The following AMDHD2 variants were observed in gnomAD, a reference collection of about 807,000 sequenced individuals.
AMDHD2 encodes the protein amidohydrolase domain containing 2, also known as N-acetylglucosamine-6-phosphate deacetylase.
A neutral mutation model predicts 41.8 loss-of-function variants in AMDHD2; 24 were observed. The observed-to-expected ratio is 0.57, with a 90% CI of 0.42 to 0.81. AMDHD2 has a LOEUF of 0.81. Among genes scored for constraint, AMDHD2 ranks in the 30% least tolerant of loss-of-function variants. The pLI is 0.00. For synonymous variants in AMDHD2, 332 were observed against 255.5 expected (o/e 1.30, Z -2.85); for missense variants, 540 against 588.5 (o/e 0.92, Z 0.85).
At position 2,527,145 on chromosome 16, in the gene AMDHD2, T is replaced by A. The variant is rs1222930347; in HGVS notation, c.361-416T>A. On this transcript the variant is annotated intron_variant, in intron 3 of 10. Transcript: ENST00000293971. This position sits in a 1 kb window ranked among gnomAD's most constrained non-coding sequence, Gnocchi z 6.1. Reference sequence around the variant, plus strand: ...CGTGTCCCCCCGTTCCCTGACACACTCGGTCTTCCTGATGGCGTCCAGCTC... The same window carrying A: ...CGTGTCCCCCCGTTCCCTGACACACACGGTCTTCCTGATGGCGTCCAGCTC... The A allele has an allele frequency of 4.4e-6, 1 of 227,086 alleles. No individual in the cohort carries two copies. The highest frequency in any genetic ancestry group is 1.4e-4 in the East Asian group (1 of 7,196). 14.1% of individuals were successfully genotyped at this position (227,086 alleles called of 1,614,324 possible). A position where few individuals can be genotyped will look rare whatever the true frequency, so the allele number is the denominator to read the frequency against.
chr16:2,530,535 T>C lies in AMDHD2; in HGVS notation c.*972T>C, dbSNP rs772466643. ...GTCAGGGGTGATTGTCTTGACTTTC[T>C]CTCCATTTGAGTTCTGGGGTGGGTG... On this transcript the variant is annotated 3_prime_UTR_variant, in exon 11 of 11. Coordinates refer to ENST00000293971, the MANE Select transcript of AMDHD2 (RefSeq NM_001330449.2). 2 of 1,614,168 alleles carry C rather than the reference T, an allele frequency of 1.2e-6. No homozygotes were observed. The highest frequency in any genetic ancestry group is 2.2e-5 in the East Asian group (1 of 44,876).
In AMDHD2 at chr16:2,530,617, C is replaced by G. The variant is rs770602232; in HGVS notation, c.*1054C>G. The G allele has an allele frequency of 1.2e-6, 2 of 1,614,204 alleles. No homozygotes were observed. Among genetic ancestry groups the G allele is most frequent in the Non-Finnish European group, 1.7e-6 (2 of 1,180,038 alleles). Reference sequence around the variant, plus strand: ...CTGGGCACAGGAGGTACGCGCCTGGCTCTGCCACTGTTCTCTTCCCTCTGC... The same window carrying G: ...CTGGGCACAGGAGGTACGCGCCTGGGTCTGCCACTGTTCTCTTCCCTCTGC... On this transcript the variant is annotated 3_prime_UTR_variant, in exon 11 of 11. Transcript: ENST00000293971.
At chr16:2,526,587 CTTCT>C (rs2066006507) in intron 3 of AMDHD2, among the ~76,000 whole-genome samples, 1 of 152,026 alleles carries the variant, frequency 6.6e-6, no homozygotes, top group African/African-American at 2.4e-5. Context: ...GTCTGGCTGT[CTTCT>C]TTCTATCATC....
At position 2,528,449 on chromosome 16, in the gene AMDHD2, C is replaced by A. The variant is rs377691972; in HGVS notation, c.863-3C>A. On this transcript the variant is annotated splice_region_variant and splice_polypyrimidine_tract_variant and intron_variant, in intron 7 of 10. Transcript: ENST00000293971. ...AGCAGGTTCTGAGCCTCTTCTCCCCCAGGGCTGGTGCTGGTCACCGATGCC... is the reference window on the plus strand; with the variant it reads ...AGCAGGTTCTGAGCCTCTTCTCCCCAAGGGCTGGTGCTGGTCACCGATGCC... 1 of 1,612,872 alleles carries A rather than the reference C, an allele frequency of 6.2e-7. No homozygotes were observed. The highest frequency in any genetic ancestry group is 8.5e-7 in the Non-Finnish European group (1 of 1,179,924).
At position 2,530,929 on chromosome 16, in the gene AMDHD2, C is replaced by T. The variant is rs368671860; in HGVS notation, c.*1366C>T. ...CACCCCTTAGGAAGTGGCTGTCCAG[C>T]GCCTGCCTGTGCTGGGCCTGGGAGA... On this transcript the variant is annotated 3_prime_UTR_variant, in exon 11 of 11. Transcript: ENST00000293971. 97 of 1,613,408 alleles carry T rather than the reference C, an allele frequency of 6.0e-5. No individual in the cohort carries two copies. The highest frequency in any genetic ancestry group is 7.4e-5 in the Non-Finnish European group (87 of 1,179,986).
intron 3 of AMDHD2, among the ~76,000 whole-genome samples, chr16:2,521,541 C>T (rs1202021815): frequency 6.6e-6 from 1 of 152,156 alleles, no homozygotes; most frequent in East Asian, 1.9e-4. Context: ...ACACGCCTTC[C>T]AGAAGAGACT....
intron 1 of AMDHD2, 30 bp downstream of exon 1, chr16:2,520,571 G>A (rs1236671305): frequency 3.3e-6 from 4 of 1,219,444 alleles, no homozygotes; most frequent in Admixed American, 4.4e-5. Context: ...TGCGGGGCTG[G>A]GGACCGGGCG....
At position 2,530,246 on chromosome 16, in the gene AMDHD2, C is replaced by A; in HGVS notation, c.*683C>A. The A allele has an allele frequency of 6.2e-7, 1 of 1,602,424 alleles. No homozygotes were observed. Among genetic ancestry groups the A allele is most frequent in the African/African-American group, 1.3e-5 (1 of 74,850 alleles). ...TCTTCTCAATAACCCTATCTCTTCACACATCCCCAGGCCCAGTGCTTGCCG... is the reference window on the plus strand; with the variant it reads ...TCTTCTCAATAACCCTATCTCTTCAAACATCCCCAGGCCCAGTGCTTGCCG... On this transcript the variant is annotated 3_prime_UTR_variant, in exon 11 of 11. Coordinates refer to ENST00000293971, the MANE Select transcript of AMDHD2 (RefSeq NM_001330449.2).
Position 2,528,138 on chromosome 16 carries a change from C to T in AMDHD2, c.707C>T (p.Ala236Val), listed in dbSNP as rs747127341. The part of the protein sequence containing the change: ...GATFITHLFN[A>V]MLPFHHRDPG... ...ACCTTCATCACCCACCTCTTCAACG[C>T]CATGCTGCCTGTGAGTGCTATGGGG... The change falls in exon 6 of 11, where the codon GCC becomes GTC. Residue 236 changes from alanine (A) to valine (V), a missense_variant. Coordinates refer to ENST00000293971, the MANE Select transcript of AMDHD2 (RefSeq NM_001330449.2). The T allele has an allele frequency of 6.2e-7, 1 of 1,613,108 alleles. No homozygotes were observed. Among genetic ancestry groups the T allele is most frequent in the East Asian group, 2.2e-5 (1 of 44,870 alleles).
rs1042638324 is a variant in AMDHD2 at position 2,529,650 on chromosome 16, C to G, written c.*87C>G. 21 of 1,580,644 alleles carry G rather than the reference C, an allele frequency of 1.3e-5. No individual in the cohort carries two copies. Among genetic ancestry groups the G allele is most frequent in the Non-Finnish European group, 1.7e-5 (20 of 1,170,194 alleles). On this transcript the variant is annotated 3_prime_UTR_variant, in exon 11 of 11. Coordinates refer to ENST00000293971, the MANE Select transcript of AMDHD2 (RefSeq NM_001330449.2). ...GGGAGCTGGTCTCCAGGGAGTGAGT[C>G]GGGAGCCCTGCTGGATTGATGCCCA... is the stretch of plus-strand genomic sequence containing the variant.
chr16:2,520,439 C>T lies in AMDHD2; in HGVS notation c.-20C>T, dbSNP rs771577972. The T allele has an allele frequency of 8.1e-6, 10 of 1,228,472 alleles. No individual in the cohort carries two copies. The highest frequency in any genetic ancestry group is 3.0e-4 in the Middle Eastern group (1 of 3,342). The allele number at this position is 1,228,472 out of a possible 1,614,324, so 76.1% of individuals were successfully genotyped here. ...GCCGCCGCGGGGCTCCGGAGCCGCT[C>T]GCTCCCGACACGGCTCACGATGCGC... On this transcript the variant is annotated 5_prime_UTR_variant, in exon 1 of 11. Transcript: ENST00000293971.
intron 3 of AMDHD2, 44 bp downstream of exon 3, chr16:2,521,167 C>T (rs1395548616): frequency 1.1e-5 from 16 of 1,505,658 alleles, no homozygotes; most frequent in Admixed American, 2.3e-5. Context: ...GCTCCCGGAG[C>T]AACCAGCGCC....
At chr16:2,526,908 C>A in intron 3 of AMDHD2, among the ~76,000 whole-genome samples, 1 of 152,026 alleles carries the variant, frequency 6.6e-6, no homozygotes, top group African/African-American at 2.4e-5. Flanking sequence ...CCAGCCTGGG[C>A]GACAAGAGGG....
At chr16:2,529,194 C>T in intron 10 of AMDHD2, 99 bp downstream of exon 10, 1 of 1,228,752 alleles carries the variant, frequency 8.1e-7, no homozygotes, top group Non-Finnish European at 1.1e-6. Context: ...GTGGGTCCTC[C>T]CTAGCTCCCT....
At position 2,528,445 on chromosome 16, in the gene AMDHD2, C is replaced by A. The variant is rs376573813; in HGVS notation, c.863-7C>A. The A allele has an allele frequency of 8.3e-5, 134 of 1,612,692 alleles. 1 individual carries two copies. The highest frequency in any genetic ancestry group is 1.1e-4 in the Non-Finnish European group (132 of 1,179,932). ...GGCTAGCAGGTTCTGAGCCTCTTCT[C>A]CCCCAGGGCTGGTGCTGGTCACCGA... On this transcript the variant is annotated splice_region_variant and splice_polypyrimidine_tract_variant and intron_variant, in intron 7 of 10. Transcript: ENST00000293971.
At chr16:2,524,033 A>T (rs1468745381) in intron 3 of AMDHD2, among the ~76,000 whole-genome samples, 1 of 152,246 alleles carries the variant, frequency 6.6e-6, no homozygotes, top group African/African-American at 2.4e-5. Flanking sequence ...ACTGCAGTGC[A>T]GGTGTCTTAA....
In AMDHD2 at chr16:2,530,887, C is replaced by T. The variant is rs1250207849; in HGVS notation, c.*1324C>T. On this transcript the variant is annotated 3_prime_UTR_variant, in exon 11 of 11. Coordinates refer to ENST00000293971, the MANE Select transcript of AMDHD2 (RefSeq NM_001330449.2). The stretch of plus-strand genomic sequence containing the variant: ...GTGTGAGGTGCAGGGATACCCACCT[C>T]TGCCTTGACGGCCGCGCACCCCTTA... 1 of 1,613,634 alleles carries T rather than the reference C, an allele frequency of 6.2e-7. No homozygotes were observed. Among genetic ancestry groups the T allele is most frequent in the South Asian group, 1.1e-5 (1 of 91,090 alleles).
chr16:2,528,630 C>T lies in AMDHD2; in HGVS notation c.971-20C>T, dbSNP rs777946102. The T allele has an allele frequency of 6.2e-7, 1 of 1,613,030 alleles. No individual in the cohort carries two copies. The highest frequency in any genetic ancestry group is 2.2e-5 in the East Asian group (1 of 44,890). ...AGGTGGCCCACGACCCCCCCAGAGC[C>T]TGCCCTCTCTGCTCTCAAGGCACCA... On this transcript the variant is annotated intron_variant, in intron 8 of 10. Coordinates refer to ENST00000293971, the MANE Select transcript of AMDHD2 (RefSeq NM_001330449.2).
chr16:2,529,631 T>C lies in AMDHD2; in HGVS notation c.*68T>C. On this transcript the variant is annotated 3_prime_UTR_variant, in exon 11 of 11. Coordinates refer to ENST00000293971, the MANE Select transcript of AMDHD2 (RefSeq NM_001330449.2). ...CATCAGGGCCGGGTGGTTGGGGAGC[T>C]GGTCTCCAGGGAGTGAGTCGGGAGC... The C allele has an allele frequency of 1.3e-6, 2 of 1,595,432 alleles. No individual in the cohort carries two copies. Among genetic ancestry groups the C allele is most frequent in the South Asian group, 1.1e-5 (1 of 90,726 alleles).
Sources: gnomAD v4.1 joint callset for allele counts (sites outside exome capture counted in the v4.1 genomes callset) on GRCh38, gnomAD v4.1.1 for gene constraint, Gnocchi (gnomAD v3.1) non-coding constraint, MANE v1.5 for transcripts, NCBI Gene and HGNC (gene_info 2026-07-23, HGNC 2026-07-21) for gene names.